RC3H2: variants seen among roughly 807,000 people sequenced by gnomAD.
RC3H2 encodes the protein roquin-2.
In RC3H2, 31 loss-of-function variants were observed where a neutral mutation model predicts 133.3. The ratio of observed to expected loss-of-function variants is 0.23; its 90% CI spans 0.17 to 0.31. RC3H2 has a LOEUF of 0.31. Among genes scored for constraint, RC3H2 ranks in the 10% least tolerant of loss-of-function variants. RC3H2 has a pLI of 1.00. For missense variants in RC3H2, 1,175 were observed against 1,437.2 expected (o/e 0.82, Z 2.95); for synonymous variants, 517 against 502.2 (o/e 1.03, Z -0.40).
chr9:122,869,482 G>C (rs1255254831), intron 9 of RC3H2, among the ~76,000 whole-genome samples: 1 of 150,944 alleles, frequency 6.6e-6, no homozygotes, highest in Non-Finnish European at 1.5e-5. Flanking sequence ...CTCAATAAAA[G>C]ACAAGTGCTC....
chr9:122,875,427 GT>G (rs1185750054), intron 9 of RC3H2: 4 of 1,452,088 alleles, frequency 2.8e-6, no homozygotes, highest in Non-Finnish European at 3.6e-6. Flanking sequence ...TCTGTAAAGG[GT>G]TTTTATAAAT....
In RC3H2 at chr9:122,851,162, T is replaced by C. The variant is rs774684275; in HGVS notation, c.3299A>G (p.Glu1100Gly). ...NDQLLNGMAV[E>G]NGHPVQQHQK... ...GTGCTGCTGTACTGGATGCCCATTT[T>C]CCACTGCCATTCCATTTAGCAACTG... Residue 1100 changes from glutamate to glycine, a missense_variant, in exon 20 of 21, where the codon GAA (glutamate) becomes GGA (glycine). Glu to Gly is a moderately conservative substitution (Grantham distance 98, BLOSUM62 -2). Around this residue, in one of 8 missense-constraint regions of RC3H2, gnomAD observed 220 missense variants for 201.1 expected, o/e 1.09. Coordinates refer to ENST00000357244, the MANE Select transcript of RC3H2 (RefSeq NM_001100588.3). 1 of 1,614,228 alleles carries C rather than the reference T, an allele frequency of 6.2e-7. No homozygotes were observed. The highest frequency in any genetic ancestry group is 1.7e-5 in the Admixed American group (1 of 60,036).
intron 9 of RC3H2, chr9:122,874,905 G>A (rs1831265619): frequency 2.9e-6 from 1 of 340,512 alleles, no homozygotes; most frequent in Non-Finnish European, 5.4e-6. Context: ...TGAAGAATGT[G>A]AAGTCTGTTT....
intron 20 of RC3H2, among the ~76,000 whole-genome samples, chr9:122,850,625 G>A (rs186832101): frequency 3.3e-5 from 5 of 151,516 alleles, no homozygotes; most frequent in African/African-American, 9.7e-5. Flanking sequence ...TTGTATTTTT[G>A]TAGAGACAGG....
intron 9 of RC3H2, chr9:122,874,761 C>T: frequency 6.3e-6 from 1 of 159,764 alleles, no homozygotes; most frequent in Non-Finnish European, 1.4e-5. Context: ...CTCAAGGTAT[C>T]CTCCTGCCTT....
In RC3H2 at chr9:122,845,365, A is replaced by T. The variant is rs1221311512; in HGVS notation, c.*4262T>A. On this transcript the variant is annotated 3_prime_UTR_variant, in exon 21 of 21. Transcript: ENST00000357244. ...GCCACATGTGTTGTATCACAACTAC[A>T]GTATAATTGTTTGCCCAGCTAAGAG... The T allele has an allele frequency of 1.3e-5, 2 of 152,182 alleles. No individual in the cohort carries two copies. Among genetic ancestry groups the T allele is most frequent in the African/African-American group, 2.4e-5 (1 of 41,438 alleles). 9.4% of individuals were successfully genotyped at this position (152,182 alleles called of 1,614,324 possible). A position where few individuals can be genotyped will look rare whatever the true frequency, so the allele number is the denominator to read the frequency against.
chr9:122,902,820 C>A, intron 1 of RC3H2, among the ~76,000 whole-genome samples: 1 of 141,144 alleles, frequency 7.1e-6, no homozygotes. Context: ...CACTGCACTC[C>A]AGCATGGGTG....
At chr9:122,899,717 T>C (rs1437053595) in intron 1 of RC3H2, among the ~76,000 whole-genome samples, 1 of 152,214 alleles carries the variant, frequency 6.6e-6, no homozygotes, top group Non-Finnish European at 1.5e-5. Context: ...TTTGCAGAGT[T>C]ATACAAGAAA....
intron 1 of RC3H2, among the ~76,000 whole-genome samples, chr9:122,899,824 C>T (rs914645485): frequency 1.3e-5 from 2 of 152,196 alleles, no homozygotes; most frequent in African/African-American, 4.8e-5. Flanking sequence ...AAACAGGACA[C>T]TGCGTGTAGT....
intron 18 of RC3H2, among the ~76,000 whole-genome samples, chr9:122,853,191 A>G (rs3860992): frequency 0.033 from 4,942 of 151,596 alleles, 261 homozygotes; most frequent in African/African-American, 0.11. Flanking sequence ...CAGCATGCTC[A>G]TTAAGAGTCA....
intron 9 of RC3H2, among the ~76,000 whole-genome samples, chr9:122,872,663 C>A (rs1200049056): frequency 1.3e-5 from 2 of 152,200 alleles, no homozygotes; most frequent in Admixed American, 6.5e-5. Flanking sequence ...GTGCTCACTG[C>A]AACCTCTACC....
Position 122,849,558 on chromosome 9 carries a change from T to TTA in RC3H2, c.*67_*68dup, listed in dbSNP as rs1829941460. On this transcript the variant is annotated 3_prime_UTR_variant, in exon 21 of 21. Coordinates refer to ENST00000357244, the MANE Select transcript of RC3H2 (RefSeq NM_001100588.3). Reference sequence around the variant, plus strand: ...AAAAATATACATTATATAATATATATTATATATATAAAAAGCTAGTGTAAA... The same window carrying TTA: ...AAAAATATACATTATATAATATATATTATATATATATAAAAAGCTAGTGTAAA... The TTA allele has an allele frequency of 3.1e-6, 2 of 645,632 alleles. No homozygotes were observed. The highest frequency in any genetic ancestry group is 4.7e-6 in the Non-Finnish European group (2 of 423,190). The allele number at this position is 645,632 out of a possible 1,614,324, so 40.0% of individuals were successfully genotyped here.
At chr9:122,883,931 T>C (rs1564309793) in intron 4 of RC3H2, among the ~76,000 whole-genome samples, 1 of 152,170 alleles carries the variant, frequency 6.6e-6, no homozygotes, top group Non-Finnish European at 1.5e-5. Flanking sequence ...AGGTTGAAGC[T>C]GTAGTGAGCT....
At chr9:122,858,639 T>C (rs956050646) in intron 12 of RC3H2, 30 bp downstream of exon 12, 2 of 1,574,448 alleles carry the variant, frequency 1.3e-6, no homozygotes, top group Admixed American at 1.7e-5. Flanking sequence ...GGGCTGTTAA[T>C]GACTACATTA....
Position 122,882,029 on chromosome 9 carries a change from C to T in RC3H2, c.759+1175G>A, listed in dbSNP as rs190719155. Among the ~76,000 whole-genome samples the T allele has an allele frequency of 2.5e-4, 38 of 152,074 alleles. 1 individual carries two copies. Among genetic ancestry groups the T allele is most frequent in the Non-Finnish European group, 2.5e-4 (17 of 68,010 alleles). ...GCCTACGCCCAGGAGTTCAAGGCTG[C>T]AGTGAACTATGATGGCACCACTGCA... is the stretch of plus-strand genomic sequence containing the variant. On this transcript the variant is annotated intron_variant, in intron 5 of 20. Transcript: ENST00000357244.
intron 9 of RC3H2, among the ~76,000 whole-genome samples, chr9:122,868,169 C>T (rs1830824246): frequency 1.3e-5 from 2 of 151,470 alleles, no homozygotes; most frequent in Non-Finnish European, 3.0e-5. Flanking sequence ...ATGTGAGGGG[C>T]GCCTCTGCCC....
At position 122,851,309 on chromosome 9, in the gene RC3H2, A is replaced by T. The variant is rs367554344; in HGVS notation, c.3231+14T>A. 125 of 1,612,778 alleles carry T rather than the reference A, an allele frequency of 7.8e-5. No individual in the cohort carries two copies. The highest frequency in any genetic ancestry group is 1.6e-4 in the Middle Eastern group (1 of 6,078). On this transcript the variant is annotated intron_variant, in intron 19 of 20. Transcript: ENST00000357244. ...TCAAACAAAGCCTCTCAATTATCTA[A>T]TTGTGGCACTTACTTCAATTGGTTC... is the stretch of plus-strand genomic sequence containing the variant.
intron 10 of RC3H2, among the ~76,000 whole-genome samples, chr9:122,864,816 G>C (rs143679673): frequency 0.012 from 1,785 of 151,958 alleles, 35 homozygotes; most frequent in African/African-American, 0.041. Flanking sequence ...AGTAGAGATG[G>C]GGTTTCACCA....
rs376103984 is a variant in RC3H2, at chr9:122,905,287, G to GCCT, written c.-248_-246dup. ...TGGCGGCGGCGAAGGCCGCGACGGG[G>GCCT]CCTCCTCCTCCTCCCTCCACCTCCG... On this transcript the variant is annotated 5_prime_UTR_variant, in exon 1 of 21. Coordinates refer to ENST00000357244, the MANE Select transcript of RC3H2 (RefSeq NM_001100588.3). The GCCT allele has an allele frequency of 1.4e-4, 135 of 985,778 alleles. No individual in the cohort carries two copies. The highest frequency in any genetic ancestry group is 1.4e-3 in the East Asian group (12 of 8,816). 61.1% of individuals were successfully genotyped at this position (985,778 alleles called of 1,614,324 possible). A position where few individuals can be genotyped will look rare whatever the true frequency, so the allele number is the denominator to read the frequency against.
Sources: gnomAD v4.1 joint callset for allele counts (sites outside exome capture counted in the v4.1 genomes callset) on GRCh38, gnomAD v4.1.1 for gene constraint, gnomAD v4.1.1 regional missense constraint, MANE v1.5 for transcripts, NCBI Gene and HGNC (gene_info 2026-07-23, HGNC 2026-07-21) for gene names.